Variants in HTR4 observed in about 807,000 individuals in gnomAD.
HTR4 encodes 5-hydroxytryptamine (serotonin) receptor 4, G protein-coupled.
Under a neutral mutation model 36.8 loss-of-function variants are expected in HTR4, and 16 were observed. The ratio of observed to expected loss-of-function variants is 0.43; its 90% CI spans 0.29 to 0.66. The LOEUF (loss-of-function observed/expected upper bound fraction) is 0.66. HTR4 is among the 30% of genes least tolerant of loss of function. HTR4 has a pLI of 0.13. For missense variants in HTR4, 438 were observed against 490.9 expected (o/e 0.89, Z 1.02); for synonymous variants, 189 against 185.1 (o/e 1.02, Z -0.17).
At chr5:148,468,022 C>T (rs576435103) in intron 5 of HTR4, among the ~76,000 whole-genome samples, 1 of 152,300 alleles carries the variant, frequency 6.6e-6, no homozygotes, top group Non-Finnish European at 1.5e-5. Flanking sequence ...TCTTCCCATT[C>T]TTAAGTTTGG....
chr5:148,560,421 TC>T (rs562815078), intron 2 of HTR4, among the ~76,000 whole-genome samples: 1 of 152,114 alleles, frequency 6.6e-6, no homozygotes, highest in Non-Finnish European at 1.5e-5. Flanking sequence ...TTTAGCAAGT[TC>T]CCAGGTAATG....
intron 2 of HTR4, among the ~76,000 whole-genome samples, chr5:148,605,655 C>T (rs1752131864): frequency 1.3e-5 from 2 of 151,902 alleles, no homozygotes; most frequent in African/African-American, 4.8e-5. Flanking sequence ...GGATCCCCTT[C>T]AGGACAAATT....
At chr5:148,452,405 G>A (rs1754994555) in intron 5 of HTR4, among the ~76,000 whole-genome samples, 1 of 152,156 alleles carries the variant, frequency 6.6e-6, no homozygotes, top group Non-Finnish European at 1.5e-5. Flanking sequence ...TAGAAAAGTG[G>A]TTCTCAGCAG....
chr5:148,474,098 C>A (rs940066294), downstream of HTR4, among the ~76,000 whole-genome samples: 1 of 152,104 alleles, frequency 6.6e-6, no homozygotes, highest in Non-Finnish European at 1.5e-5. Context: ...CTTCCACTGA[C>A]TCATATCCCT....
chr5:148,497,519 G>A (rs2081092270), intron 6 of HTR4, among the ~76,000 whole-genome samples: 1 of 152,160 alleles, frequency 6.6e-6, no homozygotes, highest in South Asian at 2.1e-4. Context: ...TTGACCACAA[G>A]AGATGATAAG....
chr5:148,524,537 C>T (rs1320117653), intron 4 of HTR4, among the ~76,000 whole-genome samples: 1 of 152,142 alleles, frequency 6.6e-6, no homozygotes, highest in East Asian at 1.9e-4. Flanking sequence ...AACAGTCTGG[C>T]CTCTAACTTC....
chr5:148,613,921 C>T (rs866429007), intron 2 of HTR4, among the ~76,000 whole-genome samples: 1 of 152,164 alleles, frequency 6.6e-6, no homozygotes, highest in African/African-American at 2.4e-5. Context: ...TGAGTGAACT[C>T]CCATTCACAA....
intron 4 of HTR4, among the ~76,000 whole-genome samples, chr5:148,544,657 G>T (rs1486971291): frequency 3.3e-5 from 5 of 152,016 alleles, no homozygotes; most frequent in Admixed American, 2.6e-4. Flanking sequence ...CATACTATAT[G>T]GTGCATTTAT....
At chr5:148,574,555 A>G (rs914876917) in intron 2 of HTR4, among the ~76,000 whole-genome samples, 1 of 152,122 alleles carries the variant, frequency 6.6e-6, no homozygotes, top group Admixed American at 6.6e-5. Flanking sequence ...CAGATAAATA[A>G]ATTCAGATTC....
At chr5:148,554,090 T>C (rs180759139) in intron 2 of HTR4, among the ~76,000 whole-genome samples, 1 of 152,060 alleles carries the variant, frequency 6.6e-6, no homozygotes, top group Non-Finnish European at 1.5e-5. Flanking sequence ...TGTTGTTGTT[T>C]TTGAGATGGA....
intron 6 of HTR4, among the ~76,000 whole-genome samples, chr5:148,503,455 C>T (rs540631549): frequency 3.3e-5 from 5 of 152,268 alleles, no homozygotes; most frequent in Middle Eastern, 3.4e-3. Context: ...GAGATTTTGT[C>T]ACCACCAGGC....
chr5:148,492,232 G>A (rs1390025858), intron 6 of HTR4, among the ~76,000 whole-genome samples: 2 of 152,146 alleles, frequency 1.3e-5, no homozygotes, highest in Non-Finnish European at 1.5e-5. Context: ...AAACACACAC[G>A]GAATGTGCTC....
At chr5:148,555,459 A>C (rs1311358444) in intron 2 of HTR4, among the ~76,000 whole-genome samples, 2 of 152,270 alleles carry the variant, frequency 1.3e-5, no homozygotes, top group African/African-American at 4.8e-5. Flanking sequence ...AGCAAAATTT[A>C]AGCATAGAAG....
chr5:148,494,360 C>T (rs1200661695), intron 6 of HTR4, among the ~76,000 whole-genome samples: 1 of 152,068 alleles, frequency 6.6e-6, no homozygotes, highest in Admixed American at 6.5e-5. Context: ...TTAACAACAA[C>T]AAAAAATATA....
chr5:148,481,198 C>T (rs1158354659), downstream of HTR4, among the ~76,000 whole-genome samples: 1 of 152,138 alleles, frequency 6.6e-6, no homozygotes, highest in East Asian at 1.9e-4. Flanking sequence ...TAGAAAAGCA[C>T]CTCAAAATGG....
chr5:148,485,731 G>A (rs777607797), intron 6 of HTR4, among the ~76,000 whole-genome samples: 5 of 152,142 alleles, frequency 3.3e-5, no homozygotes, highest in Admixed American at 1.3e-4. Flanking sequence ...AGGAAAGTCC[G>A]GAAGACAAAG....
intron 5 of HTR4, among the ~76,000 whole-genome samples, chr5:148,457,460 G>A (rs1428479811): frequency 6.7e-6 from 1 of 150,030 alleles, no homozygotes; most frequent in Non-Finnish European, 1.5e-5. Context: ...CAGCCTGGAT[G>A]TGGTAATTAG....
chr5:148,637,145 T>A, intron 1 of HTR4, 84 bp from the exon 2 acceptor site: 1 of 811,840 alleles, frequency 1.2e-6, no homozygotes, highest in Non-Finnish European at 2.0e-6. Context: ...CTCAAATAAC[T>A]ATTGCTTCCT....
intron 5 of HTR4, among the ~76,000 whole-genome samples, chr5:148,458,872 T>C (rs1755194813): frequency 6.6e-6 from 1 of 152,200 alleles, no homozygotes; most frequent in Non-Finnish European, 1.5e-5. Context: ...ATGAACATTC[T>C]GGCTGTGGTG....
Sources: allele counts gnomAD v4.1 joint callset (sites outside exome capture counted in the v4.1 genomes callset), GRCh38; gene constraint gnomAD v4.1.1; transcripts MANE v1.5; gene names NCBI Gene and HGNC (gene_info 2026-07-23, HGNC 2026-07-21).